Variants in GRIK1 observed in about 807,000 individuals in gnomAD.
GRIK1 encodes glutamate receptor ionotropic, kainate 1.
In GRIK1, 69 loss-of-function variants were observed where a neutral mutation model predicts 105.7. The observed-to-expected ratio is 0.65, with a 90% CI of 0.54 to 0.80. The LOEUF (loss-of-function observed/expected upper bound fraction) is 0.80. Among genes scored for constraint, GRIK1 ranks in the 30% least tolerant of loss-of-function variants. The probability of loss-of-function intolerance (pLI) is 0.00; values close to 1 mark genes in which losing one functional copy is unlikely to be tolerated. For synonymous variants in GRIK1, 438 were observed against 431.3 expected, an observed-to-expected ratio of 1.02 and a Z score of -0.19; for missense variants, 1,109 against 1,167.3, an observed-to-expected ratio of 0.95 and a Z score of 0.73.
At chr21:29,636,565 A>G (rs2062402075) in intron 7 of GRIK1, among the ~76,000 whole-genome samples, 1 of 152,222 alleles carries the variant, frequency 6.6e-6, no homozygotes, top group South Asian at 2.1e-4. Flanking sequence ...AGAATCACCA[A>G]GTGGAAATTT....
At chr21:29,801,677 A>T (rs914984876) in intron 1 of GRIK1, among the ~76,000 whole-genome samples, 1 of 152,200 alleles carries the variant, frequency 6.6e-6, no homozygotes, top group Non-Finnish European at 1.5e-5. Context: ...TAATTTTCAC[A>T]TACGCAGATA....
chr21:29,821,629 G>A (rs1232283964), intron 1 of GRIK1, among the ~76,000 whole-genome samples: 1 of 152,024 alleles, frequency 6.6e-6, no homozygotes, highest in Non-Finnish European at 1.5e-5. Flanking sequence ...CCCTGCAATA[G>A]GAAGGAGGTG....
chr21:29,656,055 T>C (rs1236611132), intron 4 of GRIK1, among the ~76,000 whole-genome samples: 1 of 152,038 alleles, frequency 6.6e-6, no homozygotes, highest in Non-Finnish European at 1.5e-5. Flanking sequence ...TTATTTTTTT[T>C]GTCTTTGCAT....
At chr21:29,560,339 C>CTT (rs1568813003) in intron 15 of GRIK1, among the ~76,000 whole-genome samples, 2 of 115,798 alleles carry the variant, frequency 1.7e-5, no homozygotes, top group African/African-American at 3.6e-5. Flanking sequence ...TTCTTTCTTT[C>CTT]TTTCTTTCTT....
chr21:29,839,320 G>C lies in GRIK1; in HGVS notation c.118+100063C>G, dbSNP rs150976402. Reference sequence around the variant, plus strand: ...CCTCCTTGGCTTCCCAAAGTGCTGGGATTACAGGCATGAGCCACCATGCCT... The same window carrying C: ...CCTCCTTGGCTTCCCAAAGTGCTGGCATTACAGGCATGAGCCACCATGCCT... On this transcript the variant is annotated intron_variant, in intron 1 of 17. Coordinates refer to ENST00000327783, the MANE Select transcript of GRIK1 (RefSeq NM_001330994.2). Among the ~76,000 whole-genome samples, 1,298 of 152,268 alleles carry C rather than the reference G, an allele frequency of 8.5e-3. 21 individuals carry two copies. Among genetic ancestry groups the C allele is most frequent in the African/African-American group, 0.03 (1,249 of 41,556 alleles).
chr21:29,801,149 G>C lies in GRIK1; in HGVS notation c.119-107086C>G, dbSNP rs535251657. Among the ~76,000 whole-genome samples the C allele has an allele frequency of 3.3e-5, 5 of 152,102 alleles. 1 individual carries two copies. The South Asian group carries it at 8.3e-4, about 25-fold the overall frequency. ...AGAAATGAGCTTAGAGCCAGGAGTA[G>C]TGACTCTTTGGAATGCTTTTAAGTT... On this transcript the variant is annotated intron_variant, in intron 1 of 17. Transcript: ENST00000327783.
Position 29,824,487 on chromosome 21 carries a change from C to T in GRIK1, c.118+114896G>A, listed in dbSNP as rs184741998. 2.1e-3 allele frequency among the ~76,000 whole-genome samples: 322 copies of T among 152,012 alleles called. 2 individuals carry two copies. Among genetic ancestry groups the T allele is most frequent in the African/African-American group, 7.2e-3 (299 of 41,476 alleles). ...TGGTGATAAGGACGAAAAGAAGGAT[C>T]ATTGTATGGGAAGTGGGCAAGGAGG... On this transcript the variant is annotated intron_variant, in intron 1 of 17. Coordinates refer to ENST00000327783, the MANE Select transcript of GRIK1 (RefSeq NM_001330994.2).
chr21:29,625,013 G>A (rs2062091505), intron 7 of GRIK1, among the ~76,000 whole-genome samples: 1 of 152,188 alleles, frequency 6.6e-6, no homozygotes, highest in Non-Finnish European at 1.5e-5. Flanking sequence ...GTGTTGCTCT[G>A]TTAGATCCTT....
chr21:29,666,522 C>A (rs780731797), intron 4 of GRIK1, among the ~76,000 whole-genome samples: 2 of 152,178 alleles, frequency 1.3e-5, no homozygotes, highest in Non-Finnish European at 2.9e-5. Flanking sequence ...TTCAAGGTCT[C>A]TTTTTGCCTT....
chr21:29,661,910 G>T (rs2062971674), intron 4 of GRIK1, among the ~76,000 whole-genome samples: 1 of 152,172 alleles, frequency 6.6e-6, no homozygotes, highest in African/African-American at 2.4e-5. Context: ...GTACACAGGT[G>T]ATAAGCTAAC....
chr21:29,764,348 A>C (rs767289788), intron 1 of GRIK1, among the ~76,000 whole-genome samples: 4 of 152,196 alleles, frequency 2.6e-5, no homozygotes, highest in Non-Finnish European at 5.9e-5. Flanking sequence ...CTCCCTTAGC[A>C]GTGTGGATTT....
intron 1 of GRIK1, among the ~76,000 whole-genome samples, chr21:29,776,937 C>A (rs145728002): frequency 6.6e-6 from 1 of 151,912 alleles, no homozygotes; most frequent in Non-Finnish European, 1.5e-5. Flanking sequence ...CTCTGTCTAC[C>A]GAGGATGTCA....
At chr21:29,908,772 C>T (rs2070724763) in intron 1 of GRIK1, among the ~76,000 whole-genome samples, 1 of 152,094 alleles carries the variant, frequency 6.6e-6, no homozygotes, top group Non-Finnish European at 1.5e-5. Context: ...TCGATTTTTC[C>T]ATTACTCAAA....
Position 29,658,669 on chromosome 21 carries a change from A to G in GRIK1, c.727-3806T>C, listed in dbSNP as rs75705182. Among the ~76,000 whole-genome samples the G allele has an allele frequency of 8.5e-3, 1,293 of 152,330 alleles. 22 individuals are homozygous for G. The highest frequency in any genetic ancestry group is 0.029 in the African/African-American group (1,222 of 41,552). On this transcript the variant is annotated intron_variant, in intron 4 of 17. Coordinates refer to ENST00000327783, the MANE Select transcript of GRIK1 (RefSeq NM_001330994.2). ...CCCAGCCCTTTTGTTAACATTATGT[A>G]TCTAAAATAGGCAGGGTGTGGAATA...
In GRIK1 at chr21:29,589,400, C is replaced by CT. The variant is rs1271146044; in HGVS notation, c.1366-359dup. 7.4e-5 allele frequency among the ~76,000 whole-genome samples: 11 copies of CT among 148,326 alleles called. 1 individual carries two copies. The highest frequency in any genetic ancestry group is 2.1e-4 in the South Asian group (1 of 4,678). On this transcript the variant is annotated intron_variant, in intron 10 of 17. Coordinates refer to ENST00000327783, the MANE Select transcript of GRIK1 (RefSeq NM_001330994.2). ...GCCACCTGCTGTGCCAATACCTAAG[C>CT]TTTTTTTTGTATGACCCTTCTGGCT...
chr21:29,651,412 G>T (rs962500854), intron 5 of GRIK1, 121 bp from the exon 6 acceptor site: 11 of 680,864 alleles, frequency 1.6e-5, no homozygotes, highest in Non-Finnish European at 2.5e-5. Flanking sequence ...GTGGTTTTGT[G>T]GTTCATGGTT....
intron 1 of GRIK1, among the ~76,000 whole-genome samples, chr21:29,874,591 G>A (rs185917544): frequency 1.3e-4 from 20 of 152,254 alleles, no homozygotes; most frequent in African/African-American, 4.8e-4. Context: ...ACAGGCCAAG[G>A]ACCCGTACTG....
At chr21:29,670,352 C>T (rs1012102886) in intron 4 of GRIK1, among the ~76,000 whole-genome samples, 2 of 152,226 alleles carry the variant, frequency 1.3e-5, no homozygotes, top group Non-Finnish European at 2.9e-5. Context: ...CTACTCCCCG[C>T]TGTACCAGCT....
intron 3 of GRIK1, among the ~76,000 whole-genome samples, chr21:29,676,203 C>T (rs2063263414): frequency 6.6e-6 from 1 of 152,076 alleles, no homozygotes; most frequent in Non-Finnish European, 1.5e-5. Context: ...CTGTTAAACT[C>T]CTATTTTTCT....
Sources: allele counts gnomAD v4.1 joint callset (sites outside exome capture counted in the v4.1 genomes callset), GRCh38; gene constraint gnomAD v4.1.1; transcripts MANE v1.5; gene names NCBI Gene and HGNC (gene_info 2026-07-23, HGNC 2026-07-21).